SUMF1: variants seen among roughly 807,000 people sequenced by gnomAD.
SUMF1 encodes the protein formylglycine-generating enzyme.
A neutral mutation model predicts 47.6 loss-of-function variants in SUMF1; 48 were observed. The ratio of observed to expected loss-of-function variants is 1.01; its 90% CI spans 0.80 to 1.28. The LOEUF is 1.28. SUMF1 is among the 50% of genes most tolerant of loss of function. The probability of loss-of-function intolerance (pLI) is 0.00; values close to 1 mark genes in which losing one functional copy is unlikely to be tolerated. For synonymous variants in SUMF1, 230 were observed against 192.1 expected (o/e 1.20, Z -1.63); for missense variants, 571 against 485.4 (o/e 1.18, Z -1.66).
chr3:4,131,500 G>C (rs1693788161), intron 8 of SUMF1, among the ~76,000 whole-genome samples: 2 of 152,192 alleles, frequency 1.3e-5, no homozygotes, highest in Non-Finnish European at 2.9e-5. Context: ...CTGAAGCACA[G>C]CAGTGAAGGG....
At chr3:4,210,326 A>G (rs1271363271) in intron 8 of SUMF1, among the ~76,000 whole-genome samples, 1 of 152,196 alleles carries the variant, frequency 6.6e-6, no homozygotes, top group African/African-American at 2.4e-5. Context: ...GATGACCTAG[A>G]AAAGCCAATA....
At chr3:4,425,224 G>C (rs1431493237) in intron 3 of SUMF1, among the ~76,000 whole-genome samples, 1 of 152,108 alleles carries the variant, frequency 6.6e-6, no homozygotes, top group Non-Finnish European at 1.5e-5. Flanking sequence ...CCTTTTACAA[G>C]CTACAAGATC....
chr3:4,209,721 T>C lies in SUMF1; in HGVS notation c.1015-140976A>G, dbSNP rs1161970386. Among the ~76,000 whole-genome samples, 6 of 152,080 alleles carry C rather than the reference T, an allele frequency of 3.9e-5. No homozygotes were observed. In the East Asian group the frequency reaches 1.2e-3, roughly 29 times the overall value. ...TCAAAATCAACTATATGCTAACAAG[T>C]AACTGGAAAATATAATTTTAGAAAG... On this transcript the variant is annotated intron_variant and NMD_transcript_variant, in intron 8 of 12. Coordinates refer to the SUMF1 transcript ENST00000448413.
At chr3:4,393,738 C>A (rs7640653) in intron 7 of SUMF1, among the ~76,000 whole-genome samples, 4,213 of 152,088 alleles carry the variant, frequency 0.028, 170 homozygotes, top group African/African-American at 0.097. Flanking sequence ...TATTCTCACC[C>A]ATTCTTGGCC....
At chr3:4,214,059 C>A (rs562348918) in intron 8 of SUMF1, among the ~76,000 whole-genome samples, 1 of 152,242 alleles carries the variant, frequency 6.6e-6, no homozygotes, top group South Asian at 2.1e-4. Context: ...ACCAAGCAGA[C>A]CTAATAGATA....
At chr3:4,223,110 C>T (rs561444458) in intron 8 of SUMF1, among the ~76,000 whole-genome samples, 42 of 152,042 alleles carry the variant, frequency 2.8e-4, no homozygotes, top group Non-Finnish European at 4.7e-4. Flanking sequence ...CAAAGATATA[C>T]CTTTTTAAAA....
At chr3:4,298,206 A>G (rs1697892310) in intron 8 of SUMF1, among the ~76,000 whole-genome samples, 1 of 152,208 alleles carries the variant, frequency 6.6e-6, no homozygotes, top group Admixed American at 6.5e-5. Flanking sequence ...CCATCTAGCT[A>G]TAATGGTTTG....
intron 8 of SUMF1, among the ~76,000 whole-genome samples, chr3:4,182,760 G>A (rs1028935918): frequency 6.6e-5 from 10 of 152,208 alleles, no homozygotes; most frequent in African/African-American, 9.6e-5. Context: ...TTACACTAGT[G>A]GAGAGTCATC....
intron 8 of SUMF1, among the ~76,000 whole-genome samples, chr3:4,240,258 T>C (rs1696507070): frequency 6.6e-6 from 1 of 152,148 alleles, no homozygotes; most frequent in South Asian, 2.1e-4. Context: ...TGCCAGGTTT[T>C]GGTATCAGGA....
chr3:4,427,546 G>T (rs1474645673), intron 3 of SUMF1, among the ~76,000 whole-genome samples: 7 of 152,242 alleles, frequency 4.6e-5, no homozygotes, highest in Admixed American at 4.6e-4. Flanking sequence ...AGTCAAGTCT[G>T]ACAGCTTACT....
At chr3:4,170,869 T>C (rs1694818848) in intron 8 of SUMF1, among the ~76,000 whole-genome samples, 1 of 152,178 alleles carries the variant, frequency 6.6e-6, no homozygotes, top group African/African-American at 2.4e-5. Context: ...TCATGGTTTG[T>C]AGGAAAAATA....
intron 8 of SUMF1, among the ~76,000 whole-genome samples, chr3:4,189,036 G>C (rs1695261050): frequency 6.6e-6 from 1 of 151,966 alleles, no homozygotes; most frequent in Non-Finnish European, 1.5e-5. Context: ...TATAGTTTAA[G>C]ATACATAAGT....
intron 8 of SUMF1, among the ~76,000 whole-genome samples, chr3:4,210,722 G>C (rs1185570852): frequency 1.3e-5 from 2 of 152,006 alleles, no homozygotes; most frequent in Non-Finnish European, 2.9e-5. Flanking sequence ...CCATGTGATG[G>C]TTAACACTGA....
Position 4,312,815 on chromosome 3 carries a change from T to C in SUMF1, c.1014+63515A>G, listed in dbSNP as rs1698463153. On this transcript the variant is annotated intron_variant and NMD_transcript_variant, in intron 8 of 12. Transcript: ENST00000448413. ...GTTTTTATATATGTTAGAATTAGAA[T>C]GGGTCCCAGTCAGAAGCTACTTGGA... 2.0e-6 allele frequency: 3 copies of C among 1,479,622 alleles called. No homozygotes were observed. The South Asian group carries it at 4.3e-5, about 21-fold the overall frequency. 91.7% of individuals were successfully genotyped at this position (1,479,622 alleles called of 1,614,324 possible).
chr3:4,393,353 G>A (rs920132827), intron 7 of SUMF1, among the ~76,000 whole-genome samples: 1 of 152,062 alleles, frequency 6.6e-6, no homozygotes, highest in African/African-American at 2.4e-5. Flanking sequence ...TAGTTTTAGA[G>A]ACAGGGTCTC....
chr3:4,233,807 T>A (rs1042526578), intron 8 of SUMF1, among the ~76,000 whole-genome samples: 4 of 152,028 alleles, frequency 2.6e-5, no homozygotes, highest in African/African-American at 9.7e-5. Flanking sequence ...GAAAAAAGGG[T>A]ATGTGGTTAA....
chr3:4,307,590 T>C (rs1698240453), intron 8 of SUMF1, among the ~76,000 whole-genome samples: 1 of 152,222 alleles, frequency 6.6e-6, no homozygotes, highest in South Asian at 2.1e-4. Context: ...TCAAAAAACT[T>C]GAAATCTTCA....
At chr3:4,389,332 GTTTT>G (rs58961505) in intron 7 of SUMF1, among the ~76,000 whole-genome samples, 7 of 139,920 alleles carry the variant, frequency 5.0e-5, no homozygotes, top group African/African-American at 7.6e-5. Context: ...CATTCAAATT[GTTTT>G]TTTTTTTTTT....
chr3:4,281,539 T>C (rs535069373), intron 8 of SUMF1, among the ~76,000 whole-genome samples: 14 of 152,104 alleles, frequency 9.2e-5, no homozygotes, highest in Non-Finnish European at 1.9e-4. Flanking sequence ...ACTTAATAAG[T>C]AGCAGAACCA....
Sources: allele counts gnomAD v4.1 joint callset (sites outside exome capture counted in the v4.1 genomes callset), GRCh38; gene constraint gnomAD v4.1.1; transcripts MANE v1.5; gene names NCBI Gene and HGNC (gene_info 2026-07-23, HGNC 2026-07-21).